The following CHN1 variants were observed in gnomAD, a reference collection of about 807,000 sequenced individuals.
CHN1 encodes N-chimaerin.
A neutral mutation model predicts 59.5 loss-of-function variants in CHN1; 37 were observed. The observed-to-expected ratio is 0.62, with a 90% CI of 0.48 to 0.82. The LOEUF is 0.82. Among genes scored for constraint, CHN1 ranks in the 40% least tolerant of loss-of-function variants. The pLI, the probability that CHN1 is intolerant of heterozygous loss-of-function variation, is 0.00. For synonymous variants in CHN1, 206 were observed against 200.4 expected (o/e 1.03, Z -0.24); for missense variants, 469 against 571.0 (o/e 0.82, Z 1.82).
Position 174,988,639 on chromosome 2 carries a change from T to C in CHN1, c.19+16255A>G, listed in dbSNP as rs113326131. On this transcript the variant is annotated intron_variant, in intron 1 of 12. Transcript: ENST00000409900. Reference sequence around the variant, plus strand: ...TCAGCAGCTATGAATCTTCTTATAATATGGCAGTGGAAAATAAAATGAGCC... The same window carrying C: ...TCAGCAGCTATGAATCTTCTTATAACATGGCAGTGGAAAATAAAATGAGCC... 9.4e-3 allele frequency among the ~76,000 whole-genome samples: 1,429 copies of C among 152,288 alleles called. 24 individuals carry two copies. Among genetic ancestry groups the C allele is most frequent in the African/African-American group, 0.032 (1,345 of 41,560 alleles).
chr2:174,828,976 A>G (rs1685782888), intron 7 of CHN1, among the ~76,000 whole-genome samples: 2 of 152,220 alleles, frequency 1.3e-5, no homozygotes, highest in Admixed American at 1.3e-4. Context: ...CAAGAAAAGC[A>G]ACCTTGTAAG....
intron 5 of CHN1, among the ~76,000 whole-genome samples, chr2:174,889,562 T>C (rs187819359): frequency 1.8e-4 from 28 of 152,210 alleles, no homozygotes; most frequent in Non-Finnish European, 2.8e-4. Flanking sequence ...ATAAATTCTA[T>C]AGCTGAAGAA....
chr2:174,956,433 TA>T (rs1372953473), intron 1 of CHN1, among the ~76,000 whole-genome samples: 1 of 151,930 alleles, frequency 6.6e-6, no homozygotes, highest in Non-Finnish European at 1.5e-5. Flanking sequence ...TATATGATGG[TA>T]AAATGAAAAA....
intron 7 of CHN1, among the ~76,000 whole-genome samples, chr2:174,836,375 T>A (rs1380956739): frequency 1.3e-5 from 2 of 152,232 alleles, no homozygotes; most frequent in Admixed American, 1.3e-4. Flanking sequence ...TAGTTTATAT[T>A]ATTGGTTCTA....
rs1392496254 is a variant in CHN1, at chr2:174,983,462, G to C, written c.19+21432C>G. ...GAGGTCCCACATACATGAAAACAGG[G>C]ATCAGAAAAGAAATGAGCAAAATGT... On this transcript the variant is annotated intron_variant, in intron 1 of 12. Coordinates refer to ENST00000409900, the MANE Select transcript of CHN1 (RefSeq NM_001822.7). Among the ~76,000 whole-genome samples the C allele has an allele frequency of 5.3e-5, 8 of 151,904 alleles. No individual in the cohort carries two copies. The East Asian group carries it at 1.4e-3, about 26-fold the overall frequency.
intron 11 of CHN1, among the ~76,000 whole-genome samples, chr2:174,804,135 C>T (rs1450030591): frequency 2.0e-5 from 3 of 152,058 alleles, no homozygotes; most frequent in Non-Finnish European, 2.9e-5. Flanking sequence ...GTGTTGGGGG[C>T]GTTGCAATTT....
chr2:174,975,240 G>A (rs532586221), intron 1 of CHN1, among the ~76,000 whole-genome samples: 2 of 152,168 alleles, frequency 1.3e-5, no homozygotes, highest in East Asian at 1.9e-4. Context: ...CTACTGGGGG[G>A]AAATGGTTCT....
At chr2:174,889,879 A>T (rs986269108) in intron 5 of CHN1, among the ~76,000 whole-genome samples, 2 of 150,852 alleles carry the variant, frequency 1.3e-5, no homozygotes, top group Non-Finnish European at 2.9e-5. Context: ...GAATAAATAA[A>T]TATGTGTGTG....
chr2:174,891,720 GA>G (rs1164526277), intron 5 of CHN1, among the ~76,000 whole-genome samples: 1 of 151,844 alleles, frequency 6.6e-6, no homozygotes, highest in East Asian at 1.9e-4. Context: ...GGAACTAGGG[GA>G]AAAAAAGGAC....
intron 6 of CHN1, among the ~76,000 whole-genome samples, chr2:174,857,652 T>G (rs1686946268): frequency 6.6e-6 from 1 of 152,160 alleles, no homozygotes. Flanking sequence ...AAGCTGAAAC[T>G]GGGCTTCATG....
intron 3 of CHN1, among the ~76,000 whole-genome samples, chr2:174,941,976 C>T (rs1422974637): frequency 6.6e-6 from 1 of 152,038 alleles, no homozygotes; most frequent in Non-Finnish European, 1.5e-5. Context: ...AGTATGTCAC[C>T]CCAGTTAGTA....
chr2:174,832,019 A>T (rs1486144574), intron 7 of CHN1, among the ~76,000 whole-genome samples: 1 of 152,168 alleles, frequency 6.6e-6, no homozygotes, highest in Non-Finnish European at 1.5e-5. Context: ...GAAAACCCTC[A>T]GACCAGTCTA....
chr2:174,942,817 C>T (rs1036392432), intron 3 of CHN1, among the ~76,000 whole-genome samples: 10 of 152,098 alleles, frequency 6.6e-5, no homozygotes, highest in South Asian at 2.1e-4. Flanking sequence ...TAGGAGGCCA[C>T]GGTGGGTGGA....
At chr2:174,812,240 C>A in intron 9 of CHN1, 69 bp downstream of exon 9, 1 of 1,376,620 alleles carries the variant, frequency 7.3e-7, no homozygotes, top group Non-Finnish European at 9.8e-7. Context: ...AATGAGGTAC[C>A]CAAAAGGCAT....
chr2:174,841,351 T>C (rs1208549769), intron 7 of CHN1, among the ~76,000 whole-genome samples: 1 of 152,128 alleles, frequency 6.6e-6, no homozygotes, highest in East Asian at 1.9e-4. Context: ...CCAGCAGCAT[T>C]GGCAGAAGTG....
chr2:174,940,014 T>C (rs1689609397), intron 3 of CHN1, among the ~76,000 whole-genome samples: 1 of 151,976 alleles, frequency 6.6e-6, no homozygotes. Context: ...AAATAATTAT[T>C]ACTTTTATTT....
At position 174,800,152 on chromosome 2, in the gene CHN1, C is replaced by T. The variant is rs751737176; in HGVS notation, c.1344G>A (p.Val448=). 35 of 1,564,726 alleles carry T rather than the reference C, an allele frequency of 2.2e-5. No individual in the cohort carries two copies. The Admixed American group carries it at 4.1e-4, about 18-fold the overall frequency. Residue 448 remains valine, a synonymous_variant, in exon 13 of 13, where the codon GTG becomes GTA. Transcript: ENST00000409900. The part of the protein sequence containing the change: ...LNDIRYQRLV[V]ELLIKNEDIL... Reference sequence around the variant, plus strand: ...TGTCTTCGTTTTTGATAAGCAGCTCCACCACCAGTCTCTGATACCGTATAT... The same window carrying T: ...TGTCTTCGTTTTTGATAAGCAGCTCTACCACCAGTCTCTGATACCGTATAT...
chr2:174,834,140 A>C (rs1056109142), intron 7 of CHN1, among the ~76,000 whole-genome samples: 2 of 152,132 alleles, frequency 1.3e-5, no homozygotes, highest in Non-Finnish European at 2.9e-5. Flanking sequence ...GTCTACCTCC[A>C]AATAGTATAC....
At chr2:174,983,346 A>T (rs1438693747) in intron 1 of CHN1, among the ~76,000 whole-genome samples, 1 of 152,148 alleles carries the variant, frequency 6.6e-6, no homozygotes. Context: ...CACTGTTCTT[A>T]GGTTAACATC....
Sources: allele counts gnomAD v4.1 joint callset (sites outside exome capture counted in the v4.1 genomes callset), GRCh38; gene constraint gnomAD v4.1.1; transcripts MANE v1.5; gene names NCBI Gene and HGNC (gene_info 2026-07-23, HGNC 2026-07-21).